Variants in LMNTD1 observed in about 807,000 individuals in gnomAD.
LMNTD1 encodes lamin tail domain-containing protein 1.
A neutral mutation model predicts 50.9 loss-of-function variants in LMNTD1; 35 were observed. The observed-to-expected ratio is 0.69, with a 90% CI of 0.53 to 0.91. The LOEUF is 0.91. LMNTD1 is among the 40% of genes least tolerant of loss of function. LMNTD1 has a pLI of 0.00. For missense variants in LMNTD1, 470 were observed against 475.5 expected, an observed-to-expected ratio of 0.99 and a Z score of 0.11; for synonymous variants, 153 against 161.9, an observed-to-expected ratio of 0.94 and a Z score of 0.42.
chr12:25,538,830 T>G, intron 4 of LMNTD1, among the ~76,000 whole-genome samples: 1 of 122,926 alleles, frequency 8.1e-6, no homozygotes, highest in African/African-American at 3.0e-5. Context: ...AGGAAACCCA[T>G]CTCACGTGCA....
At chr12:25,547,609 A>G (rs1446281739) in intron 3 of LMNTD1, among the ~76,000 whole-genome samples, 1 of 151,758 alleles carries the variant, frequency 6.6e-6, no homozygotes, top group Non-Finnish European at 1.5e-5. Context: ...TCGTTTTTAA[A>G]GCAGATTCCT....
chr12:25,528,785 A>G (rs146535125), intron 4 of LMNTD1, among the ~76,000 whole-genome samples: 1 of 152,148 alleles, frequency 6.6e-6, no homozygotes, highest in Non-Finnish European at 1.5e-5. Flanking sequence ...TGCTTCAGCA[A>G]CTCAGTACCC....
intron 5 of LMNTD1, among the ~76,000 whole-genome samples, 183 bp downstream of exon 5, chr12:25,526,586 T>C (rs1015874282): frequency 6.6e-6 from 1 of 152,148 alleles, no homozygotes; most frequent in Non-Finnish European, 1.5e-5. Flanking sequence ...AATTTAACTG[T>C]GGGTATTAAT....
intron 1 of LMNTD1, among the ~76,000 whole-genome samples, chr12:25,625,887 G>A (rs1293858320): frequency 6.6e-6 from 1 of 152,130 alleles, no homozygotes; most frequent in Non-Finnish European, 1.5e-5. Flanking sequence ...CACAGCCCTT[G>A]TTCCTCAAGG....
At chr12:25,556,337 G>A (rs911351190), upstream of LMNTD1, among the ~76,000 whole-genome samples, 1 of 152,168 alleles carries the variant, frequency 6.6e-6, no homozygotes, top group African/African-American at 2.4e-5. Flanking sequence ...TTTTCCAAAT[G>A]AGGAAGTGGA....
chr12:25,558,311 A>C (rs1411339824), intron 1 of LMNTD1, among the ~76,000 whole-genome samples: 5 of 151,650 alleles, frequency 3.3e-5, no homozygotes. Flanking sequence ...TCTTCTACTG[A>C]TTTTGGGTTT....
intron 1 of LMNTD1, among the ~76,000 whole-genome samples, chr12:25,636,771 G>GTA (rs973395021): frequency 1.9e-4 from 29 of 151,636 alleles, no homozygotes; most frequent in South Asian, 1.9e-3. Flanking sequence ...AGAAACTGTG[G>GTA]TATATATATA....
intron 1 of LMNTD1, among the ~76,000 whole-genome samples, chr12:25,623,553 CAAAAAAAAAAAAAAA>C (rs57326398): frequency 2.1e-4 from 12 of 57,532 alleles, no homozygotes; most frequent in African/African-American, 6.4e-4. Flanking sequence ...GACTCTGTCT[CAAAAAAAAAAAAAAA>C]AAAAAAAAAA....
intron 3 of LMNTD1, among the ~76,000 whole-genome samples, chr12:25,548,836 C>T (rs1943584515): frequency 6.6e-6 from 1 of 151,900 alleles, no homozygotes; most frequent in Non-Finnish European, 1.5e-5. Flanking sequence ...TTCAAGTTCT[C>T]TTTATTGTTT....
intron 9 of LMNTD1, among the ~76,000 whole-genome samples, chr12:25,480,439 G>A (rs972049053): frequency 6.6e-6 from 1 of 152,190 alleles, no homozygotes; most frequent in Non-Finnish European, 1.5e-5. Context: ...TAGGTGCAGA[G>A]GGATAGCAGA....
intron 9 of LMNTD1, among the ~76,000 whole-genome samples, chr12:25,482,469 T>C (rs1420340873): frequency 6.6e-6 from 1 of 152,012 alleles, no homozygotes; most frequent in African/African-American, 2.4e-5. Flanking sequence ...TAAGGGATTA[T>C]TAATACAGAT....
intron 4 of LMNTD1, among the ~76,000 whole-genome samples, chr12:25,529,637 C>T (rs543048288): frequency 6.6e-6 from 1 of 152,168 alleles, no homozygotes; most frequent in Non-Finnish European, 1.5e-5. Context: ...TTATCACGCT[C>T]TCATCATTTC....
At chr12:25,477,030 C>T (rs1034648979) in intron 9 of LMNTD1, among the ~76,000 whole-genome samples, 2 of 152,160 alleles carry the variant, frequency 1.3e-5, no homozygotes, top group African/African-American at 2.4e-5. Context: ...CCTCTGTGCC[C>T]ATCCCCAGAC....
At chr12:25,624,030 C>T (rs936014949) in intron 1 of LMNTD1, among the ~76,000 whole-genome samples, 1 of 152,172 alleles carries the variant, frequency 6.6e-6, no homozygotes, top group Non-Finnish European at 1.5e-5. Context: ...TCATACTTTC[C>T]TCCTGGGCCT....
chr12:25,526,061 T>TAA (rs199719770), intron 6 of LMNTD1, 38 bp downstream of exon 6: 5,727 of 1,200,560 alleles, frequency 4.8e-3, no homozygotes, highest in South Asian at 0.01. Flanking sequence ...GCACAATATT[T>TAA]AAAAAAAAAA....
At chr12:25,547,329 A>G (rs1452323233) in intron 3 of LMNTD1, 3 of 209,324 alleles carry the variant, frequency 1.4e-5, no homozygotes, top group African/African-American at 7.1e-5. Context: ...CACGTGATGT[A>G]AGTTTTCCAA....
chr12:25,633,997 G>T (rs1565530377), intron 1 of LMNTD1, among the ~76,000 whole-genome samples: 1 of 152,272 alleles, frequency 6.6e-6, no homozygotes, highest in Non-Finnish European at 1.5e-5. Flanking sequence ...TGAAATGGGG[G>T]ATATTACAAC....
intron 4 of LMNTD1, among the ~76,000 whole-genome samples, chr12:25,537,149 G>T (rs1942659645): frequency 6.6e-6 from 1 of 152,216 alleles, no homozygotes; most frequent in South Asian, 2.1e-4. Flanking sequence ...GAGGCTGGGG[G>T]AGGGGCGCCC....
chr12:25,535,260 G>GA (rs1420398209), intron 4 of LMNTD1, among the ~76,000 whole-genome samples: 1 of 151,890 alleles, frequency 6.6e-6, no homozygotes, highest in Non-Finnish European at 1.5e-5. Context: ...CATCCAAAAA[G>GA]AAACAATCAG....
Sources: allele counts gnomAD v4.1 joint callset (sites outside exome capture counted in the v4.1 genomes callset), GRCh38; gene constraint gnomAD v4.1.1; transcripts MANE v1.5; gene names NCBI Gene and HGNC (gene_info 2026-07-23, HGNC 2026-07-21).